Variants in SLIT1 observed in about 807,000 individuals in gnomAD.
SLIT1 encodes slit homolog 1 protein.
SLIT1 carries 66 observed loss-of-function variants against 186.1 expected under a neutral mutation model. The observed-to-expected ratio is 0.35, with a 90% CI of 0.29 to 0.44. SLIT1 has a LOEUF of 0.44. Ranked by LOEUF, SLIT1 falls within the 20% of genes least tolerant of loss-of-function variation. SLIT1 has a pLI of 1.00. For synonymous variants in SLIT1, 761 were observed against 833.8 expected (o/e 0.91, Z 1.50); for missense variants, 1,638 against 2,037.4 (o/e 0.80, Z 3.77).
chr10:97,040,795 T>C (rs1848683934), intron 20 of SLIT1, among the ~76,000 whole-genome samples: 1 of 152,176 alleles, frequency 6.6e-6, no homozygotes, highest in Non-Finnish European at 1.5e-5. Context: ...ATTCAAAAAA[T>C]CTGTGCCTTC....
chr10:97,056,783 C>T (rs1030504777), intron 12 of SLIT1, among the ~76,000 whole-genome samples: 3 of 152,212 alleles, frequency 2.0e-5, no homozygotes, highest in Non-Finnish European at 4.4e-5. Context: ...CTCCTCCTTC[C>T]CAGAGGTCCA....
chr10:97,062,141 A>G (rs1384303602), intron 8 of SLIT1, among the ~76,000 whole-genome samples: 1 of 152,268 alleles, frequency 6.6e-6, no homozygotes, highest in Non-Finnish European at 1.5e-5. Context: ...TGGCAGCTGC[A>G]ATGATGCAGA....
chr10:97,114,947 T>C (rs548397021), intron 4 of SLIT1, among the ~76,000 whole-genome samples: 98 of 152,328 alleles, frequency 6.4e-4, no homozygotes, highest in African/African-American at 2.2e-3. Context: ...CCTTAGCACA[T>C]GATAAATGGC....
rs771032785 is a variant in SLIT1 at position 97,018,548 on chromosome 10, C to T, written c.2969+38G>A. ...CCTGAGGCACAGGTGCTGGGCCCAT[C>T]AGCACTCACCAGGCTCCTGCCCCTC... On this transcript the variant is annotated intron_variant, in intron 28 of 36. Coordinates refer to ENST00000266058, the MANE Select transcript of SLIT1 (RefSeq NM_003061.3). 5.3e-6 allele frequency: 7 copies of T among 1,322,994 alleles called. No individual in the cohort carries two copies. The African/African-American group carries it at 8.7e-5, about 17-fold the overall frequency. The allele number at this position is 1,322,994 out of a possible 1,614,324, so 82.0% of individuals were successfully genotyped here. A position where few individuals can be genotyped will look rare whatever the true frequency, so the allele number is the denominator to read the frequency against.
At position 97,021,737 on chromosome 10, in the gene SLIT1, A is replaced by T. The variant is rs1848504051; in HGVS notation, c.2583-324T>A. ...ACCGCCATGCACAGCTAATTTTTGT[A>T]TTTTTAGTAGAGACGGGGTTTCACC... On this transcript the variant is annotated intron_variant, in intron 25 of 36. Coordinates refer to ENST00000266058, the MANE Select transcript of SLIT1 (RefSeq NM_003061.3). The surrounding 1 kb of genome is among the most constrained non-coding windows in gnomAD (Gnocchi z 4.5). Among the ~76,000 whole-genome samples the T allele has an allele frequency of 6.6e-6, 1 of 151,908 alleles. No homozygotes were observed. The highest frequency in any genetic ancestry group is 2.1e-4 in the South Asian group (1 of 4,822).
At chr10:97,027,104 C>A (rs933875685) in intron 25 of SLIT1, among the ~76,000 whole-genome samples, 13 of 152,198 alleles carry the variant, frequency 8.5e-5, no homozygotes, top group Non-Finnish European at 1.9e-4. Flanking sequence ...GTAACATCAG[C>A]ACCTTCAGGA....
At chr10:97,031,785 G>T in intron 23 of SLIT1, 108 bp from the exon 24 acceptor site, 1 of 826,466 alleles carries the variant, frequency 1.2e-6, no homozygotes. Context: ...GCCTCCTCGG[G>T]CTCTGTGAGG....
At chr10:97,025,131 A>G (rs867522444) in intron 25 of SLIT1, among the ~76,000 whole-genome samples, 21 of 152,234 alleles carry the variant, frequency 1.4e-4, no homozygotes, top group African/African-American at 5.1e-4. Context: ...TTAGTTGGGC[A>G]TGGTGACAGG....
chr10:97,110,010 CA>C (rs1849450622), intron 4 of SLIT1, among the ~76,000 whole-genome samples: 1 of 152,196 alleles, frequency 6.6e-6, no homozygotes, highest in Admixed American at 6.5e-5. Context: ...AGGGCCCAAA[CA>C]GAGCAAAGGA....
Position 97,014,142 on chromosome 10 carries a change from C to T in SLIT1, c.2986G>A (p.Gly996Ser), listed in dbSNP as rs760491451. Residue 996 changes from glycine to serine, a missense_variant, in exon 29 of 37, where the codon GGC becomes AGC. By Grantham distance (56) the Gly-to-Ser change is moderately conservative (BLOSUM62 0). This residue lies in a region of SLIT1 where 1,245 missense variants were observed against 1,535.3 expected (regional missense o/e 0.81). Coordinates refer to ENST00000266058, the MANE Select transcript of SLIT1 (RefSeq NM_003061.3). ...DAPFTCSCPT[G>S]FEGPTCGVNT... ...ACCCCACAGGTTGGTCCTTCAAAGCCGGTGGGACAGGAGCACCTGTGCGGG... is the reference window on the plus strand; with the variant it reads ...ACCCCACAGGTTGGTCCTTCAAAGCTGGTGGGACAGGAGCACCTGTGCGGG... The T allele has an allele frequency of 5.0e-6, 8 of 1,613,860 alleles. No homozygotes were observed. The highest frequency in any genetic ancestry group is 4.4e-5 in the South Asian group (4 of 91,080).
chr10:97,092,172 G>A (rs1849238925), intron 4 of SLIT1, among the ~76,000 whole-genome samples: 1 of 152,232 alleles, frequency 6.6e-6, no homozygotes, highest in South Asian at 2.1e-4. Flanking sequence ...GGCCCCTGGA[G>A]GCTCTGAGGC....
chr10:97,065,183 C>T (rs1033877323), intron 5 of SLIT1, among the ~76,000 whole-genome samples: 3 of 151,724 alleles, frequency 2.0e-5, no homozygotes, highest in African/African-American at 7.3e-5. Flanking sequence ...TTGGAGACCA[C>T]CTAGTGGGTG....
rs376422232 is a variant in SLIT1 at position 97,048,759 on chromosome 10, G to A, written c.1465+196C>T. 1.4e-3 allele frequency among the ~76,000 whole-genome samples: 214 copies of A among 152,240 alleles called. 6 individuals carry two copies. The South Asian group carries it at 0.042, about 30-fold the overall frequency. Reference sequence around the variant, plus strand: ...GGCAGGCCGGCAGGGAGGCAGGTAGGTGAACAGGTGGGCAGGCAGGTAGGT... The same window carrying A: ...GGCAGGCCGGCAGGGAGGCAGGTAGATGAACAGGTGGGCAGGCAGGTAGGT... On this transcript the variant is annotated intron_variant, in intron 14 of 36. Coordinates refer to ENST00000266058, the MANE Select transcript of SLIT1 (RefSeq NM_003061.3).
chr10:97,117,131 T>G (rs1315240308), intron 4 of SLIT1, among the ~76,000 whole-genome samples: 1 of 152,080 alleles, frequency 6.6e-6, no homozygotes, highest in Non-Finnish European at 1.5e-5. Flanking sequence ...AAAAAGCAAT[T>G]TTTTCTCTGT....
intron 6 of SLIT1, 91 bp from the exon 7 acceptor site, chr10:97,064,330 G>T: frequency 1.9e-6 from 2 of 1,039,248 alleles, no homozygotes; most frequent in South Asian, 1.3e-5. Flanking sequence ...GGAGGCTCTC[G>T]ACCTTAAAGT....
At chr10:97,164,253 A>G (rs1420567332) in intron 2 of SLIT1, among the ~76,000 whole-genome samples, 1 of 150,008 alleles carries the variant, frequency 6.7e-6, no homozygotes, top group Non-Finnish European at 1.5e-5. Context: ...GTGCCCCTGC[A>G]TGGGCCTCAG....
intron 4 of SLIT1, among the ~76,000 whole-genome samples, chr10:97,107,769 GA>G (rs1849428156): frequency 2.0e-5 from 3 of 152,060 alleles, no homozygotes; most frequent in Non-Finnish European, 2.9e-5. Flanking sequence ...GAGTAGGGTG[GA>G]AGACAGGGAA....
In SLIT1 at chr10:97,131,614, C is replaced by T. The variant is rs868848088; in HGVS notation, c.413+26204G>A. ...GGAGGCTGTGAGGTTTCCCAAATGGCTCCACCACCTTAAAGGCAGAGGACC... is the reference window on the plus strand; with the variant it reads ...GGAGGCTGTGAGGTTTCCCAAATGGTTCCACCACCTTAAAGGCAGAGGACC... On this transcript the variant is annotated intron_variant, in intron 4 of 36. Transcript: ENST00000266058. Among the ~76,000 whole-genome samples the T allele has an allele frequency of 2.1e-4, 32 of 152,364 alleles. No homozygotes were observed. In the Middle Eastern group the frequency reaches 0.024, roughly 113 times the overall value.
intron 4 of SLIT1, among the ~76,000 whole-genome samples, chr10:97,100,460 C>CA (rs1274403870): frequency 2.0e-5 from 3 of 151,694 alleles, no homozygotes; most frequent in East Asian, 3.9e-4. Flanking sequence ...GCTGTCTCTA[C>CA]AAAAAATACA....
Sources: allele counts gnomAD v4.1 joint callset (sites outside exome capture counted in the v4.1 genomes callset), GRCh38; gene constraint gnomAD v4.1.1; regional missense constraint gnomAD v4.1.1; non-coding constraint Gnocchi (gnomAD v3.1); transcripts MANE v1.5; gene names NCBI Gene and HGNC (gene_info 2026-07-23, HGNC 2026-07-21).